MCM3AP: variants seen among roughly 807,000 people sequenced by gnomAD.
MCM3AP encodes the protein minichromosome maintenance complex component 3 associated protein, also known as germinal-center associated nuclear protein.
MCM3AP carries 126 observed loss-of-function variants against 184.1 expected under a neutral mutation model. The ratio of observed to expected loss-of-function variants is 0.68; its 90% CI spans 0.59 to 0.79. The LOEUF (loss-of-function observed/expected upper bound fraction) is 0.79, where lower values mean the gene tolerates loss of function less well. MCM3AP is among the 30% of genes least tolerant of loss of function. The pLI is 0.00. For synonymous variants in MCM3AP, 1,002 were observed against 979.3 expected, an observed-to-expected ratio of 1.02 and a Z score of -0.43; for missense variants, 2,496 against 2,479.2, an observed-to-expected ratio of 1.01 and a Z score of -0.14.
Position 46,283,810 on chromosome 21 carries a change from C to T in MCM3AP, c.1248G>A (p.Gln416=). 6.2e-7 allele frequency: 1 copy of T among 1,613,744 alleles called. No individual in the cohort carries two copies. Among genetic ancestry groups the T allele is most frequent in the Non-Finnish European group, 8.5e-7 (1 of 1,180,024 alleles). Residue 416 remains glutamine (Q), a synonymous_variant, in exon 2 of 28, where the codon CAG becomes CAA. Coordinates refer to ENST00000291688, the MANE Select transcript of MCM3AP (RefSeq NM_003906.5). ...EDSLRGTPAR[Q]SNRSESTDSL... is the part of the protein sequence containing the mutation. ...TGTCTGTGCTCTCGCTTCTGTTACT[C>T]TGACGCGCCGGAGTTCCTCTTAGAG... is the stretch of plus-strand genomic sequence containing the variant.
chr21:46,278,613 C>T (rs115963934), intron 4 of MCM3AP, among the ~76,000 whole-genome samples: 2 of 152,106 alleles, frequency 1.3e-5, no homozygotes, highest in African/African-American at 4.8e-5. Context: ...CATGGCCGAC[C>T]GTGTCTGCTT....
At chr21:46,275,373 G>A (rs755782811) in intron 5 of MCM3AP, 48 bp from the exon 6 acceptor site, 13 of 1,526,892 alleles carry the variant, frequency 8.5e-6, no homozygotes, top group South Asian at 2.4e-5. Flanking sequence ...TGGTTAGCAC[G>A]AACCTACAGA....
At position 46,251,533 on chromosome 21, in the gene MCM3AP, A is replaced by G. The variant is rs1456878827; in HGVS notation, c.4286T>C (p.Ile1429Thr). 4.4e-6 allele frequency: 7 copies of G among 1,605,788 alleles called. No individual in the cohort carries two copies. The highest frequency in any genetic ancestry group is 1.1e-5 in the South Asian group (1 of 90,626). The change falls in exon 20 of 28, where the codon ATA becomes ACA. Residue 1429 changes from isoleucine to threonine, a missense_variant. Coordinates refer to ENST00000291688, the MANE Select transcript of MCM3AP (RefSeq NM_003906.5). ...CACAAAGTAATTATAGTTCACCTTT[A>G]TACACACGTTAACAGAAATCATCTG... ...GDQMISVNVC[I>T]KVAHGALSDG...
chr21:46,248,957 A>G (rs2080825000), intron 20 of MCM3AP, among the ~76,000 whole-genome samples: 1 of 152,228 alleles, frequency 6.6e-6, no homozygotes, highest in African/African-American at 2.4e-5. Context: ...ACAGAGTGTC[A>G]TAAAGACATG....
chr21:46,280,237 T>C, intron 3 of MCM3AP, 100 bp from the exon 4 acceptor site: 1 of 1,327,596 alleles, frequency 7.5e-7, no homozygotes, highest in Non-Finnish European at 1.1e-6. Context: ...ATTTTCATTG[T>C]CACAGGAGGT....
At chr21:46,274,804 G>A (rs958375159) in intron 6 of MCM3AP, among the ~76,000 whole-genome samples, 4 of 151,802 alleles carry the variant, frequency 2.6e-5, no homozygotes, top group African/African-American at 9.7e-5. Flanking sequence ...GCGTGGTGGA[G>A]CATGCCTGTA....
In MCM3AP at chr21:46,240,872, C is replaced by A; in HGVS notation, c.5572G>T (p.Glu1858Ter). Reference protein sequence around the residue: ...TEDLMRGASAEELLAQCLSSS... With the variant: ...TEDLMRGASA ...GACAAACACTGCGCCAAGAGCTCCT[C>A]AGCAGAAGCTCCTCGCATCAGATCC... Residue 1858 changes from glutamate (E) to a stop codon, truncating the protein, a stop_gained, in exon 26 of 28, where the codon GAG becomes TAG. Coordinates refer to ENST00000291688, the MANE Select transcript of MCM3AP (RefSeq NM_003906.5). LOFTEE classifies it high-confidence loss of function. 1 of 1,614,246 alleles carries A rather than the reference C, an allele frequency of 6.2e-7. No individual in the cohort carries two copies. Among genetic ancestry groups the A allele is most frequent in the Non-Finnish European group, 8.5e-7 (1 of 1,180,042 alleles).
At chr21:46,267,744 T>G (rs1348412380) in intron 9 of MCM3AP, 1 of 151,342 alleles carries the variant, frequency 6.6e-6, no homozygotes, top group East Asian at 2.0e-4. Context: ...AAAATTTGTT[T>G]TAATTAGTGG....
At chr21:46,269,626 G>C (rs908199932) in intron 9 of MCM3AP, among the ~76,000 whole-genome samples, 1 of 152,156 alleles carries the variant, frequency 6.6e-6, no homozygotes, top group Non-Finnish European at 1.5e-5. Context: ...ACCAAGGCAG[G>C]TCCCAGGATC....
chr21:46,235,411 C>G lies in MCM3AP; in HGVS notation c.5800G>C (p.Glu1934Gln). 6.2e-7 allele frequency: 1 copy of G among 1,614,008 alleles called. No individual in the cohort carries two copies. The highest frequency in any genetic ancestry group is 1.1e-5 in the South Asian group (1 of 91,066). ...GTCGCCTCTGACAGCTGCAGTTGCT[C>G]CCTCATCATGTCACTCTATTTGAAT... is the stretch of plus-strand genomic sequence containing the variant. ...TTSPQSDMMR[E>Q]QLQLSEATGT... The change falls in exon 28 of 28, where the codon GAG becomes CAG. Residue 1934 changes from glutamate to glutamine, a missense_variant. Physicochemically the swap from Glu to Gln is conservative, Grantham distance 29. Coordinates refer to ENST00000291688, the MANE Select transcript of MCM3AP (RefSeq NM_003906.5).
At position 46,284,369 on chromosome 21, in the gene MCM3AP, G is replaced by T; in HGVS notation, c.918C>A (p.His306Gln). 1 of 1,614,172 alleles carries T rather than the reference G, an allele frequency of 6.2e-7. No individual in the cohort carries two copies. The highest frequency in any genetic ancestry group is 2.2e-5 in the East Asian group (1 of 44,886). The change falls in exon 1 of 28, where the codon CAC (histidine) becomes CAA (glutamine). Residue 306 changes from histidine (H) to glutamine (Q), a missense_variant. Physicochemically the swap from His to Gln is conservative, Grantham distance 24. Transcript: ENST00000291688. ...DQDRSPRRHGHEPAEDSDPLS... is the reference protein window; with the variant it reads ...DQDRSPRRHGQEPAEDSDPLS... ...GAGGATCCGAATCTTCTGCTGGCTC[G>T]TGGCCATGTCTCCTTGGGGAGCGAT...
In MCM3AP at chr21:46,284,794, C is replaced by T; in HGVS notation, c.493G>A (p.Glu165Lys). The T allele has an allele frequency of 6.2e-7, 1 of 1,613,690 alleles. No individual in the cohort carries two copies. Among genetic ancestry groups the T allele is most frequent in the Non-Finnish European group, 8.5e-7 (1 of 1,179,864 alleles). ...KPILGAESEP[E>K]KTQSQIASGF... The stretch of plus-strand genomic sequence containing the variant: ...GAAGCAATTTGGCTCTGGGTTTTCT[C>T]TGGCTCAGATTCAGCCCCCAGTATT... Residue 165 changes from glutamate (E) to lysine (K), a missense_variant, in exon 1 of 28, where the codon GAG becomes AAG. Glu to Lys is a moderately conservative substitution (Grantham distance 56, BLOSUM62 1). This residue lies in a region of MCM3AP where 800 missense variants were observed against 717.1 expected (regional missense o/e 1.12). Transcript: ENST00000291688.
rs1460703896 is a variant in MCM3AP, at chr21:46,243,727, G to C, written c.5039-5C>G. ...AGCACACGGGGAGCCAGGGGGCTGG[G>C]GAGAAAGTGCCTCATTAGTTACAGG... On this transcript the variant is annotated splice_polypyrimidine_tract_variant and splice_region_variant and intron_variant, in intron 23 of 27. Transcript: ENST00000291688. 6.2e-7 allele frequency: 1 copy of C among 1,613,246 alleles called. No individual in the cohort carries two copies. The highest frequency in any genetic ancestry group is 1.1e-5 in the South Asian group (1 of 91,026).
intron 7 of MCM3AP, 29 bp from the exon 8 acceptor site, chr21:46,272,858 C>G: frequency 6.5e-7 from 1 of 1,533,522 alleles, no homozygotes; most frequent in Middle Eastern, 2.0e-4. Flanking sequence ...GAGGATCACA[C>G]ACACATTCCC....
chr21:46,264,619 C>T (rs890648688), intron 12 of MCM3AP, among the ~76,000 whole-genome samples: 20 of 152,170 alleles, frequency 1.3e-4, no homozygotes, highest in South Asian at 4.1e-4. Flanking sequence ...AGGCACCTGT[C>T]GGGACCATGC....
chr21:46,277,126 A>G (rs2081266183), intron 5 of MCM3AP, among the ~76,000 whole-genome samples: 2 of 152,084 alleles, frequency 1.3e-5, no homozygotes, highest in Admixed American at 6.6e-5. Context: ...GTCCCTGCAT[A>G]TATTTTTAGT....
At chr21:46,280,609 A>G (rs746318761) in intron 2 of MCM3AP, 34 bp from the exon 3 acceptor site, 39 of 1,444,852 alleles carry the variant, frequency 2.7e-5, no homozygotes, top group African/African-American at 7.0e-5. Context: ...ATGTGTGAGT[A>G]TATCAGGAAA....
At chr21:46,280,363 T>G in intron 3 of MCM3AP, 134 bp downstream of exon 3, 1 of 826,580 alleles carries the variant, frequency 1.2e-6, no homozygotes, top group Non-Finnish European at 1.9e-6. Context: ...CATGAGAAAC[T>G]GAAAAGAGGG....
rs2123810330 is a variant in MCM3AP, at chr21:46,240,756, C to T, written c.5633+55G>A. The T allele has an allele frequency of 3.3e-6, 5 of 1,492,742 alleles. No individual in the cohort carries two copies. The South Asian group carries it at 5.9e-5, about 18-fold the overall frequency. The allele number at this position is 1,492,742 out of a possible 1,614,324, so 92.5% of individuals were successfully genotyped here. ...ATTAATCAAGCAATAACCAGTCTCC[C>T]CTCACAGCATAAAGCAGACTAAACA... is the stretch of plus-strand genomic sequence containing the variant. On this transcript the variant is annotated intron_variant, in intron 26 of 27. Transcript: ENST00000291688.
Sources: gnomAD v4.1 joint callset for allele counts (sites outside exome capture counted in the v4.1 genomes callset) on GRCh38, gnomAD v4.1.1 for gene constraint, gnomAD v4.1.1 regional missense constraint, MANE v1.5 for transcripts, NCBI Gene and HGNC (gene_info 2026-07-23, HGNC 2026-07-21) for gene names.